Variants in TPO observed in about 807,000 individuals in gnomAD.
TPO encodes the protein thyroid microsomal antigen.
TPO carries 78 observed loss-of-function variants against 96.9 expected under a neutral mutation model. That is an observed-to-expected ratio of 0.81 (90% CI 0.67 to 0.97). The LOEUF is 0.97. Among genes scored for constraint, TPO ranks in the 50% least tolerant of loss-of-function variants. The pLI is 0.00. For synonymous variants in TPO, 547 were observed against 538.0 expected, an observed-to-expected ratio of 1.02 and a Z score of -0.23; for missense variants, 1,252 against 1,274.8, an observed-to-expected ratio of 0.98 and a Z score of 0.27.
chr2:1,473,025 C>T lies in TPO; in HGVS notation c.820-4061C>T, dbSNP rs182428961. Among the ~76,000 whole-genome samples the T allele has an allele frequency of 2.8e-4, 42 of 152,102 alleles. 1 individual carries two copies. Among genetic ancestry groups the T allele is most frequent in the Admixed American group, 1.0e-3 (16 of 15,280 alleles). On this transcript the variant is annotated intron_variant, in intron 7 of 16. Coordinates refer to ENST00000329066, the MANE Select transcript of TPO (RefSeq NM_001206744.2). ...TGACTGTTAATTGATTTTAATTGCT[C>T]CTTTCCACTCTAGATGTTAACTCTC... is the stretch of plus-strand genomic sequence containing the variant.
At chr2:1,500,735 G>A (rs970240836) in intron 13 of TPO, among the ~76,000 whole-genome samples, 1 of 152,162 alleles carries the variant, frequency 6.6e-6, no homozygotes, top group African/African-American at 2.4e-5. Flanking sequence ...GGGAGGCCGA[G>A]GCAGGTGGAT....
chr2:1,431,189 A>G (rs1324207485), intron 3 of TPO, among the ~76,000 whole-genome samples: 2 of 152,130 alleles, frequency 1.3e-5, no homozygotes, highest in Non-Finnish European at 2.9e-5. Flanking sequence ...GTTTAGCCCC[A>G]TCCTCTTGGT....
At chr2:1,516,202 G>A (rs937529635) in intron 14 of TPO, among the ~76,000 whole-genome samples, 2 of 152,186 alleles carry the variant, frequency 1.3e-5, no homozygotes, top group Non-Finnish European at 2.9e-5. Context: ...CTCTGGGGCC[G>A]GCTCCTGGGC....
intron 13 of TPO, among the ~76,000 whole-genome samples, chr2:1,502,150 T>TAC (rs967239732): frequency 1.1e-4 from 17 of 152,270 alleles, no homozygotes; most frequent in Admixed American, 2.0e-4. Context: ...AAACACTCCC[T>TAC]ACCCCAGAGG....
chr2:1,534,110 C>T lies in TPO; in HGVS notation c.2619-6484C>T, dbSNP rs142173255. On this transcript the variant is annotated intron_variant, in intron 15 of 16. Coordinates refer to ENST00000329066, the MANE Select transcript of TPO (RefSeq NM_001206744.2). ...GTGCAACCTCCCCAAAACGCCCCCA[C>T]TCTGTGCAACCTCCCCAAATCCCCC... 4.1e-3 allele frequency among the ~76,000 whole-genome samples: 365 copies of T among 89,396 alleles called. 21 individuals are homozygous for T. The highest frequency in any genetic ancestry group is 0.014 in the African/African-American group (350 of 24,952). The allele number at this position is 89,396 out of a possible 152,430, so 58.6% of individuals were successfully genotyped here.
At chr2:1,405,545 C>T (rs1192932130) in intron 1 of TPO, among the ~76,000 whole-genome samples, 1 of 151,416 alleles carries the variant, frequency 6.6e-6, no homozygotes, top group Non-Finnish European at 1.5e-5. Context: ...CATCCATAAT[C>T]AGAACCCACC....
chr2:1,391,447 G>C (rs1022292923), intron 1 of TPO, among the ~76,000 whole-genome samples: 1 of 152,150 alleles, frequency 6.6e-6, no homozygotes, highest in Non-Finnish European at 1.5e-5. Flanking sequence ...GTCAGGTAGC[G>C]TGATGCCTCC....
intron 15 of TPO, among the ~76,000 whole-genome samples, chr2:1,534,575 A>T (rs1467914342): frequency 1.3e-5 from 1 of 77,836 alleles, no homozygotes; most frequent in Non-Finnish European, 2.6e-5. Flanking sequence ...AACTTCCCCA[A>T]ATCCGCCCAC....
chr2:1,509,121 T>C (rs2125035393), intron 14 of TPO, among the ~76,000 whole-genome samples: 1 of 152,348 alleles, frequency 6.6e-6, no homozygotes, highest in Non-Finnish European at 1.5e-5. Flanking sequence ...ACATCTTTAT[T>C]TCTGCCTTCA....
chr2:1,519,413 C>T (rs1675026192), intron 15 of TPO, among the ~76,000 whole-genome samples: 2 of 152,256 alleles, frequency 1.3e-5, no homozygotes, highest in Admixed American at 6.5e-5. Context: ...TTCCACATGC[C>T]AGGGCTGTTG....
intron 13 of TPO, among the ~76,000 whole-genome samples, chr2:1,503,435 A>G (rs1673069602): frequency 6.6e-6 from 1 of 152,236 alleles, no homozygotes; most frequent in African/African-American, 2.4e-5. Flanking sequence ...ACATACGCCT[A>G]GGGGATGAGA....
chr2:1,432,150 C>T (rs1206989950), intron 3 of TPO, among the ~76,000 whole-genome samples: 1 of 152,256 alleles, frequency 6.6e-6, no homozygotes, highest in Non-Finnish European at 1.5e-5. Flanking sequence ...TCTGCTTCTT[C>T]TTTGAGGCCT....
In TPO at chr2:1,463,614, T is replaced by G. The variant is rs113259699; in HGVS notation, c.819+7332T>G. Among the ~76,000 whole-genome samples the G allele has an allele frequency of 8.4e-3, 1,278 of 152,348 alleles. 7 individuals are homozygous for G. Among genetic ancestry groups the G allele is most frequent in the Non-Finnish European group, 0.011 (760 of 68,038 alleles). ...TAAAGTGTTTTGAGTCTCTGACTACTGATCACTCAGCCCAGGGAGCTGTGA... is the reference window on the plus strand; with the variant it reads ...TAAAGTGTTTTGAGTCTCTGACTACGGATCACTCAGCCCAGGGAGCTGTGA... On this transcript the variant is annotated intron_variant, in intron 7 of 16. Transcript: ENST00000329066.
chr2:1,463,410 T>C (rs1455243727), intron 7 of TPO, among the ~76,000 whole-genome samples: 2 of 152,216 alleles, frequency 1.3e-5, no homozygotes, highest in East Asian at 3.8e-4. Context: ...AGCATCCAGT[T>C]TGGTCTCTGA....
intron 1 of TPO, among the ~76,000 whole-genome samples, chr2:1,374,850 C>T (rs1040392046): frequency 1.3e-5 from 2 of 151,786 alleles, no homozygotes; most frequent in African/African-American, 4.8e-5. Context: ...CCTCAACCTC[C>T]CAAGTAGCTG....
chr2:1,526,236 AC>A (rs1163381328), intron 15 of TPO, among the ~76,000 whole-genome samples: 1 of 13,090 alleles, frequency 7.6e-5, no homozygotes, highest in African/African-American at 3.5e-4. Context: ...TGTGTGCAAC[AC>A]CCCCAAGTCC....
chr2:1,542,655 C>CTGGCCTTTTCTTG lies in TPO; in HGVS notation c.*183_*195dup. 6.6e-7 allele frequency: 1 copy of CTGGCCTTTTCTTG among 1,525,800 alleles called. No homozygotes were observed. The highest frequency in any genetic ancestry group is 8.9e-7 in the Non-Finnish European group (1 of 1,128,282). 94.5% of individuals were successfully genotyped at this position (1,525,800 alleles called of 1,614,324 possible). A position where few individuals can be genotyped will look rare whatever the true frequency, so the allele number is the denominator to read the frequency against. On this transcript the variant is annotated 3_prime_UTR_variant, in exon 17 of 17. Coordinates refer to ENST00000329066, the MANE Select transcript of TPO (RefSeq NM_001206744.2). ...GAATAAATGTTATAGCTGCATTTGT[C>CTGGCCTTTTCTTG]TGGCCTTTTCTTGTAAACATTGCCT...
chr2:1,426,273 T>C, intron 3 of TPO, among the ~76,000 whole-genome samples: 1 of 149,122 alleles, frequency 6.7e-6, no homozygotes, highest in Non-Finnish European at 1.5e-5. Context: ...TACTCAGAAG[T>C]CCATGCTCCT....
chr2:1,427,761 C>T (rs1039983914), intron 3 of TPO, among the ~76,000 whole-genome samples: 1 of 152,216 alleles, frequency 6.6e-6, no homozygotes, highest in South Asian at 2.1e-4. Flanking sequence ...TCTGGGCTCA[C>T]ACTCCTTGAG....
Sources: allele counts gnomAD v4.1 joint callset (sites outside exome capture counted in the v4.1 genomes callset), GRCh38; gene constraint gnomAD v4.1.1; transcripts MANE v1.5; gene names NCBI Gene and HGNC (gene_info 2026-07-23, HGNC 2026-07-21).